The following CADPS2 variants were observed in gnomAD, a reference collection of about 807,000 sequenced individuals.
The protein encoded by CADPS2 is calcium-dependent secretion activator 2.
Under a neutral mutation model 172.5 loss-of-function variants are expected in CADPS2, and 93 were observed. The observed-to-expected ratio is 0.54, with a 90% CI of 0.46 to 0.64. The LOEUF is 0.64. CADPS2 is among the 30% of genes least tolerant of loss of function. The pLI is 0.00. For synonymous variants in CADPS2, 546 were observed against 555.2 expected (o/e 0.98, Z 0.23); for missense variants, 1,420 against 1,565.9 (o/e 0.91, Z 1.57).
chr7:122,701,911 G>T, intron 2 of CADPS2: 1 of 1,613,548 alleles, frequency 6.2e-7, no homozygotes, highest in South Asian at 1.1e-5. Flanking sequence ...ATGCCTTATG[G>T]AAAAAATGTT....
chr7:122,754,882 C>T (rs774326716), intron 1 of CADPS2, among the ~76,000 whole-genome samples: 3 of 152,158 alleles, frequency 2.0e-5, no homozygotes, highest in African/African-American at 4.8e-5. Context: ...TCTCCTGATG[C>T]TACTTTTAAA....
chr7:122,793,364 C>T (rs969612330), intron 1 of CADPS2, among the ~76,000 whole-genome samples: 4 of 152,058 alleles, frequency 2.6e-5, no homozygotes, highest in African/African-American at 9.7e-5. Context: ...TGAATTGAGC[C>T]CTGTAACAAT....
chr7:122,627,788 GTTCT>G (rs2076221433), intron 4 of CADPS2, among the ~76,000 whole-genome samples: 1 of 152,086 alleles, frequency 6.6e-6, no homozygotes, highest in South Asian at 2.1e-4. Context: ...ATCTCTCCAG[GTTCT>G]TTATTAGCTT....
intron 3 of CADPS2, among the ~76,000 whole-genome samples, chr7:122,650,804 A>T (rs1161660569): frequency 6.6e-6 from 1 of 152,140 alleles, no homozygotes; most frequent in African/African-American, 2.4e-5. Context: ...CGGAAACTTA[A>T]TTCTACCAGA....
At chr7:122,798,048 A>C (rs1796787783) in intron 1 of CADPS2, among the ~76,000 whole-genome samples, 1 of 151,674 alleles carries the variant, frequency 6.6e-6, no homozygotes, top group South Asian at 2.1e-4. Flanking sequence ...GCTTTGTCAC[A>C]GAGCAAGTTC....
chr7:122,364,413 TAAAAAAAAAAAAAA>T (rs916412439), intron 25 of CADPS2, among the ~76,000 whole-genome samples: 1 of 77,900 alleles, frequency 1.3e-5, no homozygotes, highest in Non-Finnish European at 2.4e-5. Context: ...TGTCTCAAGT[TAAAAAAAAAAAAAA>T]AAAAAAAAAA....
At chr7:122,551,647 A>G (rs1345677027) in intron 8 of CADPS2, among the ~76,000 whole-genome samples, 1 of 152,100 alleles carries the variant, frequency 6.6e-6, no homozygotes, top group Admixed American at 6.6e-5. Flanking sequence ...ATTATCCTCC[A>G]ATTTATTTTT....
chr7:122,719,125 G>C (rs1011545104), intron 2 of CADPS2, among the ~76,000 whole-genome samples: 1 of 152,036 alleles, frequency 6.6e-6, no homozygotes, highest in Non-Finnish European at 1.5e-5. Context: ...CAGGGTCTTT[G>C]GGTGTAGGAG....
At chr7:122,790,091 G>C (rs1264151017) in intron 1 of CADPS2, among the ~76,000 whole-genome samples, 2 of 135,306 alleles carry the variant, frequency 1.5e-5, no homozygotes, top group Non-Finnish European at 3.1e-5. Flanking sequence ...GCAAAGATAA[G>C]ATTGTGAATT....
intron 1 of CADPS2, among the ~76,000 whole-genome samples, chr7:122,752,041 A>G (rs1048887977): frequency 6.7e-6 from 1 of 148,176 alleles, no homozygotes; most frequent in African/African-American, 2.5e-5. Flanking sequence ...TTGAATTCAC[A>G]AAACAGATGT....
chr7:122,808,873 A>C (rs2140118990), intron 1 of CADPS2, among the ~76,000 whole-genome samples: 1 of 152,346 alleles, frequency 6.6e-6, no homozygotes, highest in South Asian at 2.1e-4. Context: ...AAGCTTATTT[A>C]TCTTTCATTT....
At chr7:122,573,770 T>C (rs1424633769) in intron 7 of CADPS2, among the ~76,000 whole-genome samples, 1 of 152,110 alleles carries the variant, frequency 6.6e-6, no homozygotes, top group Non-Finnish European at 1.5e-5. Flanking sequence ...CCTAAGAAGA[T>C]TCAAACATTT....
intron 20 of CADPS2, among the ~76,000 whole-genome samples, chr7:122,396,662 A>G (rs1047375118): frequency 1.3e-5 from 2 of 152,114 alleles, no homozygotes; most frequent in African/African-American, 4.8e-5. Context: ...TTCAATATAC[A>G]CCTGCTCCTC....
At chr7:122,524,646 T>G (rs2061060319) in intron 8 of CADPS2, among the ~76,000 whole-genome samples, 1 of 152,186 alleles carries the variant, frequency 6.6e-6, no homozygotes. Context: ...TCTCCAAAAG[T>G]GCAGAATATT....
At chr7:122,438,998 C>T (rs762805641) in intron 16 of CADPS2, among the ~76,000 whole-genome samples, 7 of 151,672 alleles carry the variant, frequency 4.6e-5, no homozygotes, top group African/African-American at 7.3e-5. Context: ...GTGAATACCA[C>T]GGCAGTGTAT....
chr7:122,565,763 C>T (rs1277402351), intron 7 of CADPS2, among the ~76,000 whole-genome samples: 1 of 152,154 alleles, frequency 6.6e-6, no homozygotes, highest in African/African-American at 2.4e-5. Context: ...TAATATCCAT[C>T]TAACATAGTT....
At chr7:122,561,248 C>G (rs1459660599) in intron 7 of CADPS2, among the ~76,000 whole-genome samples, 1 of 152,046 alleles carries the variant, frequency 6.6e-6, no homozygotes, top group Non-Finnish European at 1.5e-5. Flanking sequence ...TTACAATATG[C>G]AATTATTCAA....
In CADPS2 at chr7:122,407,585, T is replaced by C. The variant is rs534048030; in HGVS notation, c.2701A>G (p.Ser901Gly). The change falls in exon 20 of 30, where the codon AGT becomes GGT. Residue 901 changes from serine (S) to glycine (G), a missense_variant. Ser to Gly is a moderately conservative substitution (Grantham distance 56). Coordinates refer to ENST00000449022, the MANE Select transcript of CADPS2 (RefSeq NM_017954.11). ...TTAAGCAGTTGGAAAAGAGGAAAACTATCCCAGGAGTCTTGCGGTTGAGCC... is the reference window on the plus strand; with the variant it reads ...TTAAGCAGTTGGAAAAGAGGAAAACCATCCCAGGAGTCTTGCGGTTGAGCC... ...LEAQPQDSWD[S>G]FPLFQLLNNF... 25 of 1,612,294 alleles carry C rather than the reference T, an allele frequency of 1.6e-5. No homozygotes were observed. In the East Asian group the frequency reaches 5.3e-4, roughly 35 times the overall value.
At chr7:122,550,237 C>T (rs2064098346) in intron 8 of CADPS2, among the ~76,000 whole-genome samples, 1 of 152,126 alleles carries the variant, frequency 6.6e-6, no homozygotes, top group African/African-American at 2.4e-5. Flanking sequence ...CCTTTTCTAT[C>T]TTTATGATGG....
Sources: allele counts gnomAD v4.1 joint callset (sites outside exome capture counted in the v4.1 genomes callset), GRCh38; gene constraint gnomAD v4.1.1; transcripts MANE v1.5; gene names NCBI Gene and HGNC (gene_info 2026-07-23, HGNC 2026-07-21).